The following PLB1 variants were observed in gnomAD, a reference collection of about 807,000 sequenced individuals.
The protein encoded by PLB1 is phospholipase B1, also known as phospholipase B1, membrane-associated.
PLB1 carries 242 observed loss-of-function variants against 227.4 expected under a neutral mutation model. The ratio of observed to expected loss-of-function variants is 1.06; its 90% CI spans 0.96 to 1.18. The LOEUF is 1.18. Ranked by LOEUF, PLB1 falls within the 50% of genes most tolerant of loss-of-function variation. The pLI is 0.00. For synonymous variants in PLB1, 757 were observed against 682.2 expected, an observed-to-expected ratio of 1.11 and a Z score of -1.71; for missense variants, 1,858 against 1,816.3, an observed-to-expected ratio of 1.02 and a Z score of -0.42.
At chr2:28,548,837 C>G (rs759787169) in intron 14 of PLB1, 23 bp from the exon 15 acceptor site, 1 of 1,613,498 alleles carries the variant, frequency 6.2e-7, no homozygotes, top group Admixed American at 1.7e-5. Context: ...CTTCCCTGTT[C>G]TAAAGCCCAC....
At chr2:28,510,304 G>A (rs1302508780) in intron 1 of PLB1, among the ~76,000 whole-genome samples, 1 of 152,116 alleles carries the variant, frequency 6.6e-6, no homozygotes, top group Non-Finnish European at 1.5e-5. Context: ...GGATTTCCAA[G>A]CTCTTAACCT....
At chr2:28,545,241 C>T (rs530404128) in intron 14 of PLB1, among the ~76,000 whole-genome samples, 3 of 115,770 alleles carry the variant, frequency 2.6e-5, no homozygotes, top group East Asian at 4.6e-4. Flanking sequence ...CATACAAGTC[C>T]GGTTTCCCAG....
intron 34 of PLB1, 74 bp from the exon 35 acceptor site, chr2:28,598,578 G>A (rs1441994016): frequency 3.3e-6 from 4 of 1,207,334 alleles, no homozygotes; most frequent in East Asian, 4.7e-5. Flanking sequence ...GGGGACCTAG[G>A]TCCCACAGTA....
rs139564804 is a variant in PLB1, at chr2:28,581,077, A to G, written c.1567-991A>G. Among the ~76,000 whole-genome samples, 347 of 152,306 alleles carry G rather than the reference A, an allele frequency of 2.3e-3. 2 individuals are homozygous for G. The highest frequency in any genetic ancestry group is 7.4e-3 in the African/African-American group (309 of 41,552). On this transcript the variant is annotated intron_variant, in intron 23 of 57. Transcript: ENST00000327757. ...CCCTCCCCTGCTCATGTTAAGTGAC[A>G]CAGCTTTCATATGTTCCATACAGCA... is the stretch of plus-strand genomic sequence containing the variant.
In PLB1 at chr2:28,566,660, G is replaced by T. The variant is rs574206740; in HGVS notation, c.1281-136G>T. On this transcript the variant is annotated intron_variant, in intron 19 of 57. Coordinates refer to ENST00000327757, the MANE Select transcript of PLB1 (RefSeq NM_153021.5). ...GGTTTGCTTTTTCCGTTTTTCTACT[G>T]AAGTGATGGGGAAAGTGCAAGCTCC... 1.2e-4 allele frequency: 109 copies of T among 921,400 alleles called. No individual in the cohort carries two copies. In the African/African-American group the frequency reaches 1.7e-3, roughly 14 times the overall value. The allele number at this position is 921,400 out of a possible 1,614,324, so 57.1% of individuals were successfully genotyped here.
rs1297791657 is a variant in PLB1, at chr2:28,598,733, A to G, written c.2447A>G (p.Asn816Ser). 2.5e-6 allele frequency: 4 copies of G among 1,614,094 alleles called. No individual in the cohort carries two copies. The highest frequency in any genetic ancestry group is 1.1e-5 in the South Asian group (1 of 91,084). ...GDANDTNAFL[N>S]QAVPGAKAED... ...GCCAATGACACGAATGCATTCCTCA[A>G]TCAAGCTGTTCCCGGAGCAAAGGCT... Residue 816 changes from asparagine to serine, a missense_variant, in exon 35 of 58, where the codon AAT (asparagine) becomes AGT (serine). Coordinates refer to ENST00000327757, the MANE Select transcript of PLB1 (RefSeq NM_153021.5).
intron 42 of PLB1, 29 bp downstream of exon 42, chr2:28,605,977 CTG>C: frequency 1.6e-5 from 25 of 1,552,552 alleles, no homozygotes; most frequent in Non-Finnish European, 2.2e-5. Flanking sequence ...TCCTTGTTCT[CTG>C]GGGTTCTAGT....
chr2:28,593,660 G>A, intron 32 of PLB1, 21 bp from the exon 33 acceptor site: 3 of 1,611,382 alleles, frequency 1.9e-6, no homozygotes, highest in Non-Finnish European at 2.5e-6. Flanking sequence ...TTTTCCTATG[G>A]ACTCTGGTAT....
At chr2:28,529,230 C>A in intron 6 of PLB1, 87 bp from the exon 7 acceptor site, 2 of 880,428 alleles carry the variant, frequency 2.3e-6, no homozygotes, top group Non-Finnish European at 3.7e-6. Flanking sequence ...TAGGCATGAG[C>A]CACCACTCCT....
intron 17 of PLB1, among the ~76,000 whole-genome samples, chr2:28,557,888 G>A (rs1407847719): frequency 6.6e-6 from 1 of 152,108 alleles, no homozygotes; most frequent in African/African-American, 2.4e-5. Flanking sequence ...CGGAAAATTA[G>A]GCCAGTGAAA....
intron 57 of PLB1, among the ~76,000 whole-genome samples, chr2:28,641,737 C>T (rs1429466268): frequency 3.3e-5 from 5 of 152,144 alleles, no homozygotes; most frequent in Non-Finnish European, 7.4e-5. Flanking sequence ...TCGCCACACC[C>T]ACTGCCCTTG....
intron 54 of PLB1, among the ~76,000 whole-genome samples, chr2:28,631,803 G>A (rs965872490): frequency 6.6e-6 from 1 of 152,196 alleles, no homozygotes; most frequent in Non-Finnish European, 1.5e-5. Flanking sequence ...ACCAGGAGCC[G>A]CTGGGTTCAA....
At chr2:28,604,349 C>T (rs777230706) in intron 40 of PLB1, among the ~76,000 whole-genome samples, 1 of 152,238 alleles carries the variant, frequency 6.6e-6, no homozygotes, top group Non-Finnish European at 1.5e-5. Context: ...TTCCCTCCCC[C>T]ACTCCCACTC....
chr2:28,503,227 A>C (rs1667295376), intron 1 of PLB1, among the ~76,000 whole-genome samples: 1 of 151,716 alleles, frequency 6.6e-6, no homozygotes. Context: ...ATCACAGCTC[A>C]CTGCTGCCTC....
chr2:28,571,373 T>G (rs1432401294), intron 20 of PLB1, among the ~76,000 whole-genome samples: 2 of 152,154 alleles, frequency 1.3e-5, no homozygotes, highest in Non-Finnish European at 2.9e-5. Flanking sequence ...TTCATAATAC[T>G]CCCCACATCA....
intron 50 of PLB1, among the ~76,000 whole-genome samples, chr2:28,625,482 C>A (rs765441137): frequency 6.6e-6 from 1 of 152,200 alleles, no homozygotes; most frequent in Admixed American, 6.5e-5. Flanking sequence ...TTCCCCTCAC[C>A]CTGCCCCTCT....
rs563583888 is a variant in PLB1, at chr2:28,578,471, C to T, written c.1485+313C>T. On this transcript the variant is annotated intron_variant, in intron 22 of 57. Transcript: ENST00000327757. ...AATTATAAAACAGTTGCCACGTGCT[C>T]CACCGAAAGGGCTCTGTATAAGACA... 3.6e-4 allele frequency among the ~76,000 whole-genome samples: 54 copies of T among 152,044 alleles called. 1 individual carries two copies. The highest frequency in any genetic ancestry group is 6.6e-4 in the Non-Finnish European group (45 of 68,006).
intron 23 of PLB1, among the ~76,000 whole-genome samples, chr2:28,579,908 A>G (rs886233205): frequency 4.6e-5 from 7 of 152,248 alleles, no homozygotes; most frequent in African/African-American, 7.2e-5. Flanking sequence ...AGGATTAGTT[A>G]TAAGATTGAT....
At chr2:28,588,076 C>T (rs1208205471) in intron 26 of PLB1, among the ~76,000 whole-genome samples, 3 of 148,756 alleles carry the variant, frequency 2.0e-5, no homozygotes, top group Admixed American at 6.7e-5. Flanking sequence ...AATCATCTCA[C>T]GCCCTACTTC....
Sources: allele counts gnomAD v4.1 joint callset (sites outside exome capture counted in the v4.1 genomes callset), GRCh38; gene constraint gnomAD v4.1.1; transcripts MANE v1.5; gene names NCBI Gene and HGNC (gene_info 2026-07-23, HGNC 2026-07-21).